The following TANK variants were observed in gnomAD, a reference collection of about 807,000 sequenced individuals.
TANK encodes TRAF family member associated NFKB activator, also known as TRAF family member-associated NF-kappa-B activator.
Under a neutral mutation model 43.6 loss-of-function variants are expected in TANK, and 15 were observed. The observed-to-expected ratio is 0.34, with a 90% CI of 0.23 to 0.53. The LOEUF (loss-of-function observed/expected upper bound fraction) is 0.53, where lower values mean the gene tolerates loss of function less well. Among genes scored for constraint, TANK ranks in the 20% least tolerant of loss-of-function variants. TANK has a pLI of 0.94. For synonymous variants in TANK, 162 were observed against 178.2 expected, an observed-to-expected ratio of 0.91 and a Z score of 0.73; for missense variants, 417 against 498.6, an observed-to-expected ratio of 0.84 and a Z score of 1.56.
intron 1 of TANK, chr2:161,139,632 A>G: frequency 2.1e-6 from 2 of 931,540 alleles, no homozygotes; most frequent in South Asian, 9.9e-5. Flanking sequence ...GTAGTTCAAA[A>G]TAAACCAACC....
At chr2:161,182,226 T>G (rs565989235) in intron 2 of TANK, among the ~76,000 whole-genome samples, 2 of 152,268 alleles carry the variant, frequency 1.3e-5, no homozygotes, top group East Asian at 3.9e-4. Flanking sequence ...CCCCACATAT[T>G]AAGCAGTGGA....
rs558028351 is a variant in TANK, at chr2:161,153,197, T to C, written c.-50+16134T>C. Among the ~76,000 whole-genome samples, 4 of 152,230 alleles carry C rather than the reference T, an allele frequency of 2.6e-5. No individual in the cohort carries two copies. The South Asian group carries it at 8.3e-4, about 32-fold the overall frequency. On this transcript the variant is annotated intron_variant, in intron 1 of 7. Transcript: ENST00000259075. ...TGGTTCTGTTTTATAATTTATATCA[T>C]GTTTTTATATTCTCCTTTTGTTCAT... is the stretch of plus-strand genomic sequence containing the variant.
In TANK at chr2:161,231,268, T is replaced by C. The variant is rs531951922; in HGVS notation, c.818T>C (p.Phe273Ser). Residue 273 changes from phenylalanine to serine, a missense_variant, in exon 7 of 8, where the codon TTC becomes TCC. By Grantham distance (155) the Phe-to-Ser change is radical. Transcript: ENST00000392749. ...AVCQEKFNMEFRDNPGNFVKT... is the reference protein window; with the variant it reads ...AVCQEKFNMESRDNPGNFVKT... Reference sequence around the variant, plus strand: ...TGCCAAGAGAAATTTAATATGGAGTTCAGAGACAACCCAGGGAACTTTGTT... The same window carrying C: ...TGCCAAGAGAAATTTAATATGGAGTCCAGAGACAACCCAGGGAACTTTGTT... 103 of 1,614,068 alleles carry C rather than the reference T, an allele frequency of 6.4e-5. 1 individual carries two copies. In the South Asian group the frequency reaches 1.1e-3, roughly 17 times the overall value.
intron 4 of TANK, chr2:161,207,589 T>C: frequency 1.0e-6 from 1 of 985,172 alleles, no homozygotes; most frequent in Non-Finnish European, 1.2e-6. Context: ...TATTTGAGAG[T>C]TGGCTGTGTG....
At chr2:161,204,639 T>C in intron 3 of TANK, 36 bp from the exon 4 acceptor site, 5 of 1,579,490 alleles carry the variant, frequency 3.2e-6, no homozygotes, top group Non-Finnish European at 4.3e-6. Flanking sequence ...AAAATAAGGG[T>C]TTTCTGCTAA....
Position 161,196,569 on chromosome 2 carries a change from T to TG in TANK, c.100-6913dup, listed in dbSNP as rs372326652. 6.8e-3 allele frequency among the ~76,000 whole-genome samples: 1,032 copies of TG among 152,116 alleles called. 14 individuals carry two copies. Among genetic ancestry groups the TG allele is most frequent in the African/African-American group, 0.024 (985 of 41,516 alleles). On this transcript the variant is annotated intron_variant, in intron 2 of 7. Coordinates refer to ENST00000392749, the MANE Select transcript of TANK (RefSeq NM_001199135.3). ...AATAATTAAGATTAAAATTGATACTTGGGGGCCAGGCGCGGTGGCTCACAC... is the reference window on the plus strand; with the variant it reads ...AATAATTAAGATTAAAATTGATACTTGGGGGGCCAGGCGCGGTGGCTCACAC...
chr2:161,149,916 T>C (rs1684026993), intron 1 of TANK, among the ~76,000 whole-genome samples: 1 of 152,200 alleles, frequency 6.6e-6, no homozygotes, highest in South Asian at 2.1e-4. Context: ...TTTGCATCTA[T>C]ATTCACAAGG....
chr2:161,216,609 T>G (rs1263263621), intron 4 of TANK, among the ~76,000 whole-genome samples: 1 of 150,270 alleles, frequency 6.7e-6, no homozygotes, highest in Non-Finnish European at 1.5e-5. Flanking sequence ...AAAAAAAAAG[T>G]TGGTGAGGCC....
At chr2:161,182,624 C>T (rs1427634185) in intron 2 of TANK, among the ~76,000 whole-genome samples, 2 of 152,126 alleles carry the variant, frequency 1.3e-5, no homozygotes, top group Non-Finnish European at 2.9e-5. Context: ...ATGAGTTCTT[C>T]ATCTTTCTGT....
chr2:161,224,379 T>C (rs909706536), intron 5 of TANK, among the ~76,000 whole-genome samples: 12 of 152,098 alleles, frequency 7.9e-5, no homozygotes, highest in African/African-American at 2.9e-4. Context: ...CATTAGTGTA[T>C]ATATGAATAA....
intron 4 of TANK, among the ~76,000 whole-genome samples, chr2:161,217,367 T>C (rs963261492): frequency 1.3e-5 from 2 of 152,150 alleles, no homozygotes; most frequent in Admixed American, 1.3e-4. Context: ...TGACCATGGT[T>C]ATGATCTCAT....
intron 1 of TANK, among the ~76,000 whole-genome samples, chr2:161,165,461 G>A (rs1367592749): frequency 1.3e-5 from 2 of 152,210 alleles, no homozygotes; most frequent in African/African-American, 4.8e-5. Context: ...TTACTGGAAT[G>A]TGGTTTCATA....
chr2:161,155,204 C>T (rs1684191919), intron 1 of TANK, among the ~76,000 whole-genome samples: 1 of 152,196 alleles, frequency 6.6e-6, no homozygotes, highest in Middle Eastern at 3.4e-3. Flanking sequence ...ACATTTACTT[C>T]CTGCCACCTC....
chr2:161,195,021 T>G (rs1022942873), intron 2 of TANK, among the ~76,000 whole-genome samples: 2 of 152,194 alleles, frequency 1.3e-5, no homozygotes, highest in African/African-American at 4.8e-5. Context: ...ACTTTGCCAG[T>G]AGATTCATTT....
chr2:161,188,917 C>G (rs952741528), intron 2 of TANK, among the ~76,000 whole-genome samples: 1 of 152,180 alleles, frequency 6.6e-6, no homozygotes, highest in Admixed American at 6.5e-5. Flanking sequence ...TGCTGCTGCC[C>G]TTTCTCTTTG....
At chr2:161,153,167 C>A (rs1423011029) in intron 1 of TANK, among the ~76,000 whole-genome samples, 1 of 151,910 alleles carries the variant, frequency 6.6e-6, no homozygotes, top group African/African-American at 2.4e-5. Context: ...TCCAGAATTA[C>A]TATTTGGTTC....
At chr2:161,233,443 G>A (rs1688021968) in intron 7 of TANK, among the ~76,000 whole-genome samples, 1 of 151,870 alleles carries the variant, frequency 6.6e-6, no homozygotes, top group African/African-American at 2.4e-5. Flanking sequence ...TGAGTTGTTT[G>A]TAGATAGTAG....
chr2:161,188,244 G>A lies in TANK; in HGVS notation c.99+8483G>A, dbSNP rs572713684. Among the ~76,000 whole-genome samples, 11 of 151,954 alleles carry A rather than the reference G, an allele frequency of 7.2e-5. No individual in the cohort carries two copies. The East Asian group carries it at 1.9e-3, about 27-fold the overall frequency. On this transcript the variant is annotated intron_variant, in intron 2 of 7. Transcript: ENST00000392749. Reference sequence around the variant, plus strand: ...TAGAAAAACAATAGAGAAAAACAACGAAAACAAGTGTTGACTATTTGAAAA... The same window carrying A: ...TAGAAAAACAATAGAGAAAAACAACAAAAACAAGTGTTGACTATTTGAAAA...
intron 7 of TANK, chr2:161,232,891 G>A (rs145879977): frequency 2.6e-6 from 4 of 1,527,454 alleles, no homozygotes; most frequent in African/African-American, 1.4e-5. Flanking sequence ...AAGACATGGG[G>A]CATAAGGTTA....
Sources: allele counts gnomAD v4.1 joint callset (sites outside exome capture counted in the v4.1 genomes callset), GRCh38; gene constraint gnomAD v4.1.1; transcripts MANE v1.5; gene names NCBI Gene and HGNC (gene_info 2026-07-23, HGNC 2026-07-21).